NPLOC4: variants seen among roughly 807,000 people sequenced by gnomAD.
The protein encoded by NPLOC4 is nuclear protein localization protein 4 homolog.
NPLOC4 carries 18 observed loss-of-function variants against 80.6 expected under a neutral mutation model. That is an observed-to-expected ratio of 0.22 (90% confidence interval 0.15 to 0.33). The LOEUF (loss-of-function observed/expected upper bound fraction) is 0.33. Among genes scored for constraint, NPLOC4 ranks in the 10% least tolerant of loss-of-function variants. The probability of loss-of-function intolerance (pLI) is 1.00; values close to 1 mark genes in which losing one functional copy is unlikely to be tolerated. For missense variants in NPLOC4, 540 were observed against 786.1 expected (o/e 0.69, Z 3.74); for synonymous variants, 313 against 301.5 (o/e 1.04, Z -0.39).
intron 16 of NPLOC4, chr17:81,563,177 T>C (rs532854038): frequency 0.12 from 17,844 of 151,122 alleles, 1,259 homozygotes; most frequent in Admixed American, 0.22. Context: ...CTGGGTCAAG[T>C]GATTCTCCTG....
At chr17:81,564,083 A>AACACACACACAT (rs2033932108) in intron 16 of NPLOC4, 2 of 261,516 alleles carry the variant, frequency 7.6e-6, no homozygotes, top group Non-Finnish European at 1.5e-5. Flanking sequence ...TCCAGCTCAA[A>AACACACACACAT]ACACACACAC....
chr17:81,603,359 G>A (rs2035118449), intron 8 of NPLOC4, among the ~76,000 whole-genome samples: 1 of 152,042 alleles, frequency 6.6e-6, no homozygotes, highest in Admixed American at 6.6e-5. Context: ...ACTTCAGGAG[G>A]CCAAGATGTG....
chr17:81,628,212 T>TAA (rs1193510260), intron 2 of NPLOC4, among the ~76,000 whole-genome samples: 1 of 101,614 alleles, frequency 9.8e-6, no homozygotes, highest in South Asian at 3.0e-4. Context: ...CTCCCTCTCA[T>TAA]AAAAAAAAAA....
chr17:81,628,603 C>T (rs1276271637), intron 2 of NPLOC4, among the ~76,000 whole-genome samples: 1 of 152,120 alleles, frequency 6.6e-6, no homozygotes, highest in East Asian at 1.9e-4. Context: ...ACCAACAAAC[C>T]TACCTACAAC....
chr17:81,595,741 G>A (rs1001043032), intron 11 of NPLOC4, among the ~76,000 whole-genome samples: 8 of 151,578 alleles, frequency 5.3e-5, no homozygotes, highest in African/African-American at 7.3e-5. Flanking sequence ...ATGGGGTTTC[G>A]CTATGTTGGC....
intron 6 of NPLOC4, 87 bp downstream of exon 6, chr17:81,608,641 C>T (rs1170260365): frequency 2.2e-6 from 2 of 901,880 alleles, no homozygotes; most frequent in African/African-American, 1.6e-5. Context: ...TTACTTCTCT[C>T]ATTCACACGT....
Position 81,629,772 on chromosome 17 carries a change from G to A in NPLOC4, c.49C>T (p.Arg17Trp), listed in dbSNP as rs917207444. ...GTTTCTCTCTTTGTTGCTGTGATCC[G>A]CTTCACTCCATCCGGGGACTGGACA... Reference protein sequence around the residue: ...IRVQSPDGVKRITATKRETAA... With the variant: ...IRVQSPDGVKWITATKRETAA... Residue 17 changes from arginine (R) to tryptophan (W), a missense_variant, in exon 2 of 17, where the codon CGG becomes TGG. By Grantham distance (101) the Arg-to-Trp change is moderately radical. Transcript: ENST00000331134. 6.2e-7 allele frequency: 1 copy of A among 1,613,674 alleles called. No individual in the cohort carries two copies. The highest frequency in any genetic ancestry group is 8.5e-7 in the Non-Finnish European group (1 of 1,179,710).
chr17:81,618,575 G>A (rs2035575004), intron 3 of NPLOC4, among the ~76,000 whole-genome samples: 1 of 71,684 alleles, frequency 1.4e-5, no homozygotes, highest in African/African-American at 6.8e-5. Flanking sequence ...CCCCGTCCGG[G>A]AGGGAGGTGG....
chr17:81,565,699 C>G (rs952706864), intron 15 of NPLOC4, 92 bp from the exon 16 acceptor site: 7 of 932,720 alleles, frequency 7.5e-6, no homozygotes, highest in Non-Finnish European at 1.1e-5. Context: ...AACATCAAGA[C>G]GTATTTCTGA....
At chr17:81,604,162 G>T (rs2035137640) in intron 8 of NPLOC4, among the ~76,000 whole-genome samples, 1 of 152,106 alleles carries the variant, frequency 6.6e-6, no homozygotes, top group Admixed American at 6.6e-5. Context: ...TTGGTGCTGA[G>T]GTGTGTCTGT....
At chr17:81,617,945 T>C (rs1192287157) in intron 3 of NPLOC4, among the ~76,000 whole-genome samples, 1 of 152,200 alleles carries the variant, frequency 6.6e-6, no homozygotes, top group African/African-American at 2.4e-5. Flanking sequence ...AGACGGAGTC[T>C]CGTTCACTCA....
chr17:81,626,184 C>T (rs553697553), intron 2 of NPLOC4, among the ~76,000 whole-genome samples: 21 of 149,706 alleles, frequency 1.4e-4, no homozygotes, highest in African/African-American at 4.2e-4. Context: ...GGTGAGCTGG[C>T]ACGTGCCTGT....
At chr17:81,601,080 A>G (rs908714094) in intron 8 of NPLOC4, among the ~76,000 whole-genome samples, 9 of 152,180 alleles carry the variant, frequency 5.9e-5, no homozygotes, top group Non-Finnish European at 8.8e-5. Flanking sequence ...ACTGAAACCA[A>G]CCACAGCACA....
At chr17:81,593,809 C>T (rs2034814542) in intron 11 of NPLOC4, among the ~76,000 whole-genome samples, 1 of 151,142 alleles carries the variant, frequency 6.6e-6, no homozygotes, top group South Asian at 2.1e-4. Flanking sequence ...CCAGTGCCCA[C>T]TGCCTGATGC....
At chr17:81,605,373 A>G (rs11655346) in intron 7 of NPLOC4, among the ~76,000 whole-genome samples, 82,094 of 150,706 alleles carry the variant, frequency 0.54, 23,731 homozygotes, top group Non-Finnish European at 0.65. Context: ...CCAGTCAGGC[A>G]CGGTGGCTCA....
intron 12 of NPLOC4, among the ~76,000 whole-genome samples, chr17:81,583,745 A>G (rs541270763): frequency 3.3e-5 from 5 of 152,166 alleles, no homozygotes; most frequent in Non-Finnish European, 5.9e-5. Flanking sequence ...CTGGCTGCAT[A>G]TGGGACAGGG....
At chr17:81,594,217 G>GT (rs2034827191) in intron 11 of NPLOC4, among the ~76,000 whole-genome samples, 1 of 133,770 alleles carries the variant, frequency 7.5e-6, no homozygotes, top group South Asian at 2.5e-4. Context: ...GGAGCTTGCA[G>GT]TGAGCCAAGA....
chr17:81,615,843 A>C (rs1341467668), intron 3 of NPLOC4, among the ~76,000 whole-genome samples: 1 of 152,208 alleles, frequency 6.6e-6, no homozygotes, highest in African/African-American at 2.4e-5. Context: ...AGCAAAAAAA[A>C]CCAACAAAGT....
Position 81,567,092 on chromosome 17 carries a change from C to G in NPLOC4, c.1566+325G>C, listed in dbSNP as rs957472192. ...TTAGAACAGGAATTTTTTAAACTGT[C>G]TAACTCTAATGCTGGAGGCAGAGCT... On this transcript the variant is annotated intron_variant, in intron 15 of 16. Transcript: ENST00000331134. This position sits in a 1 kb window ranked among gnomAD's most constrained non-coding sequence, Gnocchi z 4.5. 45 of 298,236 alleles carry G rather than the reference C, an allele frequency of 1.5e-4. No individual in the cohort carries two copies. In the South Asian group the frequency reaches 1.7e-3, roughly 11 times the overall value. The allele number at this position is 298,236 out of a possible 1,614,324, so 18.5% of individuals were successfully genotyped here. A position where few individuals can be genotyped will look rare whatever the true frequency, so the allele number is the denominator to read the frequency against.
Sources: allele counts gnomAD v4.1 joint callset (sites outside exome capture counted in the v4.1 genomes callset), GRCh38; gene constraint gnomAD v4.1.1; non-coding constraint Gnocchi (gnomAD v3.1); transcripts MANE v1.5; gene names NCBI Gene and HGNC (gene_info 2026-07-23, HGNC 2026-07-21).